CNTNAP2: variants seen among roughly 807,000 people sequenced by gnomAD.
CNTNAP2 encodes the protein contactin-associated protein-like 2.
In CNTNAP2, 98 loss-of-function variants were observed where a neutral mutation model predicts 155.2. The ratio of observed to expected loss-of-function variants is 0.63; its 90% CI spans 0.54 to 0.75. The LOEUF is 0.75. Among genes scored for constraint, CNTNAP2 ranks in the 30% least tolerant of loss-of-function variants. CNTNAP2 has a pLI of 0.00. For missense variants in CNTNAP2, 1,727 were observed against 1,688.1 expected, an observed-to-expected ratio of 1.02 and a Z score of -0.40; for synonymous variants, 651 against 631.2, an observed-to-expected ratio of 1.03 and a Z score of -0.47.
At chr7:146,168,400 T>C (rs1345979054) in intron 1 of CNTNAP2, among the ~76,000 whole-genome samples, 1 of 152,124 alleles carries the variant, frequency 6.6e-6, no homozygotes, top group Non-Finnish European at 1.5e-5. Context: ...TTTTATATCA[T>C]ATTGGAAGTG....
chr7:146,276,127 C>T (rs188958402), intron 1 of CNTNAP2, among the ~76,000 whole-genome samples: 2 of 152,096 alleles, frequency 1.3e-5, no homozygotes, highest in Non-Finnish European at 2.9e-5. Flanking sequence ...TATTAATTTG[C>T]AATGATAGCT....
chr7:146,322,632 C>CTATTTTTTTTTTTT (rs1221257073), intron 1 of CNTNAP2, among the ~76,000 whole-genome samples: 1 of 9,374 alleles, frequency 1.1e-4, no homozygotes, highest in Non-Finnish European at 1.9e-4. Flanking sequence ...TGTGTTCATT[C>CTATTTTTTTTTTTT]TCTTTTTTTT....
rs531680093 is a variant in CNTNAP2 at position 146,973,795 on chromosome 7, A to C, written c.403-70112A>C. 4.6e-5 allele frequency among the ~76,000 whole-genome samples: 7 copies of C among 152,308 alleles called. No homozygotes were observed. In the East Asian group the frequency reaches 1.4e-3, roughly 29 times the overall value. On this transcript the variant is annotated intron_variant, in intron 3 of 23. Coordinates refer to ENST00000361727, the MANE Select transcript of CNTNAP2 (RefSeq NM_014141.6). ...ATATTCTTCCCAATTGGCATCATTC[A>C]TGAAGTTTCTGTGTGATTAGTTCCA...
chr7:147,467,764 G>C (rs1798145687), intron 10 of CNTNAP2, among the ~76,000 whole-genome samples: 1 of 152,170 alleles, frequency 6.6e-6, no homozygotes, highest in African/African-American at 2.4e-5. Flanking sequence ...GGGCATTGTG[G>C]CTACACCTGT....
intron 13 of CNTNAP2, among the ~76,000 whole-genome samples, chr7:147,647,582 C>T (rs576281692): frequency 7.9e-5 from 12 of 152,148 alleles, no homozygotes; most frequent in Admixed American, 5.9e-4. Flanking sequence ...TTTTCTTGCT[C>T]TTCATTGTTT....
intron 13 of CNTNAP2, among the ~76,000 whole-genome samples, chr7:147,708,094 G>A (rs1190271133): frequency 6.6e-6 from 1 of 152,150 alleles, no homozygotes; most frequent in African/African-American, 2.4e-5. Flanking sequence ...TGTCCCCAAA[G>A]AAATGTTTGA....
At chr7:148,357,918 T>C (rs184393932) in intron 21 of CNTNAP2, among the ~76,000 whole-genome samples, 1 of 152,306 alleles carries the variant, frequency 6.6e-6, no homozygotes, top group Non-Finnish European at 1.5e-5. Flanking sequence ...GAAAAACACA[T>C]GCTCATTTAC....
intron 1 of CNTNAP2, among the ~76,000 whole-genome samples, chr7:146,313,895 A>T (rs551076021): frequency 7.7e-4 from 117 of 152,192 alleles, no homozygotes; most frequent in African/African-American, 2.6e-3. Flanking sequence ...GTTACTCAGG[A>T]GGCTGAGGCA....
At chr7:147,185,396 C>A (rs1396272504) in intron 8 of CNTNAP2, among the ~76,000 whole-genome samples, 1 of 152,072 alleles carries the variant, frequency 6.6e-6, no homozygotes, top group Non-Finnish European at 1.5e-5. Flanking sequence ...TAGAGAAATT[C>A]TTGGATGGAG....
intron 15 of CNTNAP2, among the ~76,000 whole-genome samples, chr7:148,076,335 G>A (rs1288160930): frequency 6.8e-6 from 1 of 148,130 alleles, no homozygotes; most frequent in Non-Finnish European, 1.5e-5. Flanking sequence ...GTAGGACAAT[G>A]CCCCGCAACA....
intron 3 of CNTNAP2, among the ~76,000 whole-genome samples, chr7:146,847,056 C>T (rs1803855480): frequency 1.3e-5 from 2 of 151,906 alleles, no homozygotes; most frequent in Non-Finnish European, 2.9e-5. Context: ...GAACTCAATG[C>T]TAATTTTTTT....
In CNTNAP2 at chr7:147,394,742, T is replaced by G. The variant is rs1323952278; in HGVS notation, c.1499-867T>G. Among the ~76,000 whole-genome samples, 5 of 151,708 alleles carry G rather than the reference T, an allele frequency of 3.3e-5. No individual in the cohort carries two copies. The East Asian group carries it at 9.7e-4, about 29-fold the overall frequency. ...GTGATCTCTTAAAGTTATTTAGCAA[T>G]AAACTCTTAATGTCTGATTTCAAGG... On this transcript the variant is annotated intron_variant, in intron 9 of 23. Transcript: ENST00000361727.
intron 8 of CNTNAP2, among the ~76,000 whole-genome samples, chr7:147,198,679 C>T (rs182405112): frequency 1.3e-5 from 2 of 152,266 alleles, no homozygotes; most frequent in East Asian, 1.9e-4. Context: ...TCAGATGCCT[C>T]CTAATCCTGT....
chr7:146,677,874 G>T (rs1407763640), intron 1 of CNTNAP2, among the ~76,000 whole-genome samples: 1 of 151,968 alleles, frequency 6.6e-6, no homozygotes, highest in Non-Finnish European at 1.5e-5. Flanking sequence ...CCCAGACGTG[G>T]GTGCAGGGGT....
chr7:148,101,170 A>T (rs1019336797), intron 15 of CNTNAP2, among the ~76,000 whole-genome samples: 1 of 151,688 alleles, frequency 6.6e-6, no homozygotes, highest in Non-Finnish European at 1.5e-5. Flanking sequence ...CATTAGGAGT[A>T]ATACCTAATG....
At chr7:146,787,840 C>A (rs761355878) in intron 2 of CNTNAP2, among the ~76,000 whole-genome samples, 10 of 152,258 alleles carry the variant, frequency 6.6e-5, no homozygotes, top group Non-Finnish European at 1.0e-4. Flanking sequence ...AAGTCCCCAC[C>A]AGATTAGCTA....
At chr7:148,382,671 G>A (rs922543564) in intron 21 of CNTNAP2, among the ~76,000 whole-genome samples, 1 of 152,206 alleles carries the variant, frequency 6.6e-6, no homozygotes, top group Non-Finnish European at 1.5e-5. Flanking sequence ...ATCTTTGTGT[G>A]AGCCCAGGGA....
At chr7:146,740,140 G>T (rs941404612) in intron 1 of CNTNAP2, among the ~76,000 whole-genome samples, 1 of 151,746 alleles carries the variant, frequency 6.6e-6, no homozygotes, top group African/African-American at 2.4e-5. Flanking sequence ...TTCAGTCCTT[G>T]TCATTCTTTA....
intron 11 of CNTNAP2, among the ~76,000 whole-genome samples, chr7:147,491,167 C>A (rs2116648322): frequency 6.6e-6 from 1 of 152,252 alleles, no homozygotes; most frequent in Admixed American, 6.5e-5. Context: ...GGCAAGTTCA[C>A]CTGGCTTGCC....
Sources: gnomAD v4.1 joint callset for allele counts (sites outside exome capture counted in the v4.1 genomes callset) on GRCh38, gnomAD v4.1.1 for gene constraint, MANE v1.5 for transcripts, NCBI Gene and HGNC (gene_info 2026-07-23, HGNC 2026-07-21) for gene names.